ZNF202: variants seen among roughly 807,000 people sequenced by gnomAD.
The protein encoded by ZNF202 is zinc finger protein 202.
Under a neutral mutation model 54.5 loss-of-function variants are expected in ZNF202, and 22 were observed. The observed-to-expected ratio is 0.40, with a 90% CI of 0.29 to 0.58. The LOEUF (loss-of-function observed/expected upper bound fraction) is 0.58, where lower values mean the gene tolerates loss of function less well. Among genes scored for constraint, ZNF202 ranks in the 20% least tolerant of loss-of-function variants. The pLI is 0.39. For synonymous variants in ZNF202, 294 were observed against 301.4 expected, an observed-to-expected ratio of 0.98 and a Z score of 0.26; for missense variants, 644 against 805.5, an observed-to-expected ratio of 0.80 and a Z score of 2.43.
intron 1 of ZNF202, 25 bp from the exon 2 acceptor site, chr11:123,740,561 G>C (rs1861818069): frequency 6.6e-6 from 1 of 152,264 alleles, no homozygotes; most frequent in South Asian, 2.1e-4. Flanking sequence ...TAGAGAAAAA[G>C]CAACAGTTCT....
intron 3 of ZNF202, among the ~76,000 whole-genome samples, chr11:123,734,092 TGAGAGAGAGAGACA>T (rs1861528530): frequency 6.6e-6 from 1 of 151,890 alleles, no homozygotes; most frequent in South Asian, 2.1e-4. Context: ...CTTTAGCTTT[TGAGAGAGAGAGACA>T]GAGAGAGAGA....
At position 123,730,656 on chromosome 11, in the gene ZNF202, T is replaced by C. The variant is rs1372352678; in HGVS notation, c.233A>G (p.Glu78Gly). 6.2e-7 allele frequency: 1 copy of C among 1,614,038 alleles called. No individual in the cohort carries two copies. The highest frequency in any genetic ancestry group is 1.1e-5 in the South Asian group (1 of 91,070). The change falls in exon 4 of 9, where the codon GAG becomes GGG. Residue 78 changes from glutamate (E) to glycine (G), a missense_variant. This residue lies in a region of ZNF202 where 62 missense variants were observed against 122.8 expected (regional missense o/e 0.50). Transcript: ENST00000530393. The surrounding 1 kb of genome is among the most constrained non-coding windows in gnomAD (Gnocchi z 6.0). The stretch of plus-strand genomic sequence containing the variant: ...TAGGATCTGCTCCTTTGTCCGCCTC[T>C]CTGGTCTCAGCCACTGGTGACAAAG... ...RELCHQWLRP[E>G]RRTKEQILEL...
chr11:123,732,818 T>C (rs1049469006), intron 3 of ZNF202, among the ~76,000 whole-genome samples: 2 of 152,176 alleles, frequency 1.3e-5, no homozygotes, highest in African/African-American at 4.8e-5. Flanking sequence ...CATTGTTTCC[T>C]CCATTATGCT....
At chr11:123,728,105 A>G (rs1861234583) in intron 7 of ZNF202, 28 bp downstream of exon 7, 3 of 1,595,654 alleles carry the variant, frequency 1.9e-6, no homozygotes, top group Non-Finnish European at 2.6e-6. Flanking sequence ...TGGGCTTAGA[A>G]CACTCTAGAA....
At chr11:123,728,368 G>C (rs1861249937) in intron 6 of ZNF202, 106 bp from the exon 7 acceptor site, 2 of 1,354,532 alleles carry the variant, frequency 1.5e-6, no homozygotes, top group African/African-American at 3.0e-5. Flanking sequence ...GAGATGAAAG[G>C]AGCTTGAGTG....
chr11:123,733,085 C>T (rs1416754170), intron 3 of ZNF202, among the ~76,000 whole-genome samples: 1 of 152,162 alleles, frequency 6.6e-6, no homozygotes, highest in African/African-American at 2.4e-5. Flanking sequence ...GTCCTGTCCC[C>T]CTCCAGACCA....
intron 3 of ZNF202, among the ~76,000 whole-genome samples, chr11:123,733,125 ATT>A (rs1023570522): frequency 5.3e-5 from 8 of 152,192 alleles, no homozygotes; most frequent in African/African-American, 1.9e-4. Context: ...GGGCTCCATC[ATT>A]TCTCAACCTT....
chr11:123,730,414 T>C lies in ZNF202; in HGVS notation c.402+73A>G, dbSNP rs921816967. 25 of 1,475,054 alleles carry C rather than the reference T, an allele frequency of 1.7e-5. No individual in the cohort carries two copies. Among genetic ancestry groups the C allele is most frequent in the Non-Finnish European group, 2.2e-5 (24 of 1,114,142 alleles). The allele number at this position is 1,475,054 out of a possible 1,614,324, so 91.4% of individuals were successfully genotyped here. On this transcript the variant is annotated intron_variant, in intron 4 of 8. Coordinates refer to ENST00000530393, the MANE Select transcript of ZNF202 (RefSeq NM_003455.4). The surrounding 1 kb of genome is among the most constrained non-coding windows in gnomAD (Gnocchi z 6.0). ...AATAATTTATGGGGATCCTGCAAGC[T>C]CTCCCCGCAAATCCAGCCTTCCAGC...
At chr11:123,727,267 C>T (rs763884419) in intron 8 of ZNF202, among the ~76,000 whole-genome samples, 1 of 152,168 alleles carries the variant, frequency 6.6e-6, no homozygotes, top group Non-Finnish European at 1.5e-5. Flanking sequence ...ATTTTTCTTT[C>T]ACCCTTTTGT....
chr11:123,734,945 A>G (rs560185249), intron 3 of ZNF202, among the ~76,000 whole-genome samples: 2 of 152,170 alleles, frequency 1.3e-5, no homozygotes, highest in African/African-American at 2.4e-5. Context: ...TGGAACCACA[A>G]CTCATCACAA....
At chr11:123,734,441 C>A (rs1010507406) in intron 3 of ZNF202, among the ~76,000 whole-genome samples, 1 of 152,168 alleles carries the variant, frequency 6.6e-6, no homozygotes, top group South Asian at 2.1e-4. Context: ...CTTTTCTATA[C>A]CCTCCCTGGG....
intron 3 of ZNF202, chr11:123,739,583 C>T (rs565026748): frequency 1.3e-5 from 2 of 152,292 alleles, no homozygotes; most frequent in East Asian, 3.9e-4. Flanking sequence ...AAGAACTTAT[C>T]AATATTTCAC....
Position 123,730,979 on chromosome 11 carries a change from A to G in ZNF202, c.-91T>C. On this transcript the variant is annotated 5_prime_UTR_variant, in exon 4 of 9. Coordinates refer to ENST00000530393, the MANE Select transcript of ZNF202 (RefSeq NM_003455.4). The surrounding 1 kb of genome is among the most constrained non-coding windows in gnomAD (Gnocchi z 6.0). ...CTGGACACAGCGAGGATTTTCTTCCAAGGGCCCTGGATAGAGAAGTAAAGA... is the reference window on the plus strand; with the variant it reads ...CTGGACACAGCGAGGATTTTCTTCCGAGGGCCCTGGATAGAGAAGTAAAGA... 3.4e-6 allele frequency: 5 copies of G among 1,466,946 alleles called. No individual in the cohort carries two copies. Among genetic ancestry groups the G allele is most frequent in the Non-Finnish European group, 4.6e-6 (5 of 1,091,178 alleles). 90.9% of individuals were successfully genotyped at this position (1,466,946 alleles called of 1,614,324 possible).
Position 123,726,231 on chromosome 11 carries a change from C to T in ZNF202, c.1713G>A (p.Gly571=). 1 of 1,614,200 alleles carries T rather than the reference C, an allele frequency of 6.2e-7. No homozygotes were observed. The highest frequency in any genetic ancestry group is 1.6e-4 in the Middle Eastern group (1 of 6,062). ...AEELYLCSEC[G]RCFTHSAAFA... ...ACGCTGCGCTGTGGGTGAAGCAGCG[C>T]CCGCACTCGCTGCAGAGGTAGAGTT... The change falls in exon 9 of 9, where the codon GGG becomes GGA. Residue 571 remains glycine, a synonymous_variant. Transcript: ENST00000530393. This position sits in a 1 kb window ranked among gnomAD's most constrained non-coding sequence, Gnocchi z 6.0.
At chr11:123,729,343 T>A (rs914155035) in intron 5 of ZNF202, 129 bp from the exon 6 acceptor site, 21 of 976,366 alleles carry the variant, frequency 2.2e-5, no homozygotes, top group Non-Finnish European at 3.2e-5. Context: ...ACCAAGAAAC[T>A]GGCCTAAGGG....
At position 123,728,208 on chromosome 11, in the gene ZNF202, C is replaced by A; in HGVS notation, c.757G>T (p.Asp253Tyr). ...AACTCTTTCTGTGTTGGGTCCAGAT[C>A]ACTCCACTGGTCCTGGGAAAAGCAT... ...AVCFSQDQWS[D>Y]LDPTQKEFYG... The change falls in exon 7 of 9, where the codon GAT becomes TAT. Residue 253 changes from aspartate (D) to tyrosine (Y), a missense_variant. By Grantham distance (160) the Asp-to-Tyr change is radical (BLOSUM62 -3). Transcript: ENST00000530393. 1.2e-6 allele frequency: 2 copies of A among 1,613,198 alleles called. No homozygotes were observed. The highest frequency in any genetic ancestry group is 2.2e-5 in the South Asian group (2 of 91,020).
In ZNF202 at chr11:123,728,912, T is replaced by C. The variant is rs577593247; in HGVS notation, c.702+214A>G. ...AATCCCATTTTGTTAGTTCTTCTAG[T>C]CAATGGCAAATAAACTGGTGTTGGT... On this transcript the variant is annotated intron_variant, in intron 6 of 8. Coordinates refer to ENST00000530393, the MANE Select transcript of ZNF202 (RefSeq NM_003455.4). 3.8e-4 allele frequency among the ~76,000 whole-genome samples: 58 copies of C among 152,310 alleles called. 1 individual carries two copies. In the East Asian group the frequency reaches 0.011, roughly 29 times the overall value.
In ZNF202 at chr11:123,728,206, A is replaced by C. The variant is rs749699062; in HGVS notation, c.759T>G (p.Asp253Glu). 1 of 1,613,174 alleles carries C rather than the reference A, an allele frequency of 6.2e-7. No homozygotes were observed. Among genetic ancestry groups the C allele is most frequent in the South Asian group, 1.1e-5 (1 of 91,038 alleles). ...AGAACTCTTTCTGTGTTGGGTCCAG[A>C]TCACTCCACTGGTCCTGGGAAAAGC... is the stretch of plus-strand genomic sequence containing the variant. ...AVCFSQDQWS[D>E]LDPTQKEFYG... Residue 253 changes from aspartate (D) to glutamate (E), a missense_variant, in exon 7 of 9, where the codon GAT becomes GAG. Coordinates refer to ENST00000530393, the MANE Select transcript of ZNF202 (RefSeq NM_003455.4).
chr11:123,732,780 A>G (rs1160070475), intron 3 of ZNF202, among the ~76,000 whole-genome samples: 2 of 152,140 alleles, frequency 1.3e-5, no homozygotes, highest in East Asian at 3.9e-4. Flanking sequence ...TCTACTCCAA[A>G]GCTTCTTCCT....
Sources: gnomAD v4.1 joint callset for allele counts (sites outside exome capture counted in the v4.1 genomes callset) on GRCh38, gnomAD v4.1.1 for gene constraint, gnomAD v4.1.1 regional missense constraint, Gnocchi (gnomAD v3.1) non-coding constraint, MANE v1.5 for transcripts, NCBI Gene and HGNC (gene_info 2026-07-23, HGNC 2026-07-21) for gene names.